The following CDC42EP4 variants were observed in gnomAD, a reference collection of about 807,000 sequenced individuals.
CDC42EP4 encodes the protein CDC42 effector protein 4, also known as CDC42 effector protein (Rho GTPase binding) 4.
In CDC42EP4, 6 loss-of-function variants were observed where a neutral mutation model predicts 5.6. The observed-to-expected ratio is 1.07, with a 90% CI of 0.59 to 2.12. CDC42EP4 has a LOEUF of 2.12. CDC42EP4 is among the 30% of genes most tolerant of loss of function. The pLI is 0.00. For synonymous variants in CDC42EP4, 230 were observed against 224.2 expected, an observed-to-expected ratio of 1.03 and a Z score of -0.23; for missense variants, 490 against 508.6, an observed-to-expected ratio of 0.96 and a Z score of 0.35.
chr17:73,310,032 G>A (rs2062265507), intron 1 of CDC42EP4: 1 of 152,338 alleles, frequency 6.6e-6, no homozygotes. Flanking sequence ...TGGCTTCTCA[G>A]CAGAGATAGA....
In CDC42EP4 at chr17:73,297,020, G is replaced by A. The variant is rs868368815; in HGVS notation, c.-112-10408C>T. 1.7e-3 allele frequency among the ~76,000 whole-genome samples: 185 copies of A among 109,486 alleles called. 5 individuals are homozygous for A. Among genetic ancestry groups the A allele is most frequent in the African/African-American group, 5.2e-3 (161 of 30,784 alleles). 71.8% of individuals were successfully genotyped at this position (109,486 alleles called of 152,430 possible). A position where few individuals can be genotyped will look rare whatever the true frequency, so the allele number is the denominator to read the frequency against. ...AAAAAAAAAATACACAAGGCCAAGC[G>A]CCGTGGCTCACACCTGTAATCCCAG... On this transcript the variant is annotated intron_variant, in intron 1 of 1. Transcript: ENST00000335793.
chr17:73,298,631 A>T (rs967529964), intron 1 of CDC42EP4, among the ~76,000 whole-genome samples: 3 of 152,222 alleles, frequency 2.0e-5, no homozygotes, highest in African/African-American at 7.2e-5. Context: ...TCCAGCCACC[A>T]CTGACCGCCA....
intron 1 of CDC42EP4, among the ~76,000 whole-genome samples, chr17:73,308,860 C>A (rs2062257930): frequency 6.6e-6 from 1 of 151,218 alleles, no homozygotes; most frequent in African/African-American, 2.4e-5. Flanking sequence ...CACAGTGAAA[C>A]CCTGTTTCTA....
At chr17:73,303,468 C>T (rs1020626936) in intron 1 of CDC42EP4, among the ~76,000 whole-genome samples, 12 of 152,062 alleles carry the variant, frequency 7.9e-5, no homozygotes, top group African/African-American at 2.9e-4. Flanking sequence ...TCAACCCCAG[C>T]CTGGCCAACA....
intron 1 of CDC42EP4, among the ~76,000 whole-genome samples, chr17:73,296,417 CAA>C (rs541518590): frequency 0.65 from 61,703 of 94,908 alleles, 17,210 homozygotes; most frequent in Middle Eastern, 0.75. Flanking sequence ...GACTCCATCT[CAA>C]AAAAAAAAAA....
chr17:73,286,107 T>C lies in CDC42EP4; in HGVS notation c.394A>G (p.Thr132Ala). Residue 132 changes from threonine (T) to alanine (A), a missense_variant, in exon 2 of 2, where the codon ACC becomes GCC. Transcript: ENST00000335793. The surrounding 1 kb of genome is among the most constrained non-coding windows in gnomAD (Gnocchi z 7.7). ...GACAGGCTCTTGGGCAGCTTACTGG[T>C]GCCCTTCTCCGCGGCCTCCTTCTCA... Reference protein sequence around the residue: ...LNEKEAAEKGTSKLPKSLSSS... With the variant: ...LNEKEAAEKGASKLPKSLSSS... The C allele has an allele frequency of 6.2e-7, 1 of 1,613,978 alleles. No individual in the cohort carries two copies. The highest frequency in any genetic ancestry group is 8.5e-7 in the Non-Finnish European group (1 of 1,180,022).
chr17:73,286,521 G>T lies in CDC42EP4; in HGVS notation c.-21C>A. ...GGCATCTTGCTGGATGGGCGGGGAGGTGGGCCCTCCCGAGGTAGCCGGCAG... is the reference window on the plus strand; with the variant it reads ...GGCATCTTGCTGGATGGGCGGGGAGTTGGGCCCTCCCGAGGTAGCCGGCAG... On this transcript the variant is annotated 5_prime_UTR_variant, in exon 2 of 2. Coordinates refer to ENST00000335793, the MANE Select transcript of CDC42EP4 (RefSeq NM_012121.5). This position sits in a 1 kb window ranked among gnomAD's most constrained non-coding sequence, Gnocchi z 7.7. The T allele has an allele frequency of 6.4e-7, 1 of 1,557,466 alleles. No homozygotes were observed.
intron 1 of CDC42EP4, among the ~76,000 whole-genome samples, chr17:73,291,687 G>A (rs773220246): frequency 4.6e-5 from 7 of 152,134 alleles, no homozygotes; most frequent in Non-Finnish European, 8.8e-5. Flanking sequence ...TGCCTTGGGC[G>A]GGACACCCCC....
intron 1 of CDC42EP4, chr17:73,307,129 A>G (rs1024115255): frequency 6.6e-6 from 1 of 152,134 alleles, no homozygotes; most frequent in Non-Finnish European, 1.5e-5. Context: ...GCAGTTTCTT[A>G]CAGGTGGGGA....
intron 1 of CDC42EP4, among the ~76,000 whole-genome samples, chr17:73,299,269 T>A (rs7502840): frequency 0.35 from 51,448 of 148,846 alleles, 9,300 homozygotes; most frequent in East Asian, 0.47. Flanking sequence ...TAAAAATATT[T>A]AAAAAAAAAA....
chr17:73,289,912 GAAGAA>G (rs2062154041), intron 1 of CDC42EP4, among the ~76,000 whole-genome samples: 1 of 152,120 alleles, frequency 6.6e-6, no homozygotes, highest in Non-Finnish European at 1.5e-5. Context: ...AGAAGCAGCA[GAAGAA>G]AAGAAAAAGA....
intron 1 of CDC42EP4, among the ~76,000 whole-genome samples, chr17:73,308,676 G>A (rs2062257064): frequency 6.6e-6 from 1 of 152,112 alleles, no homozygotes; most frequent in African/African-American, 2.4e-5. Flanking sequence ...TCACTCCAAA[G>A]GGGTGGAAGC....
At chr17:73,297,395 A>C (rs2062194110) in intron 1 of CDC42EP4, among the ~76,000 whole-genome samples, 1 of 151,858 alleles carries the variant, frequency 6.6e-6, no homozygotes, top group East Asian at 1.9e-4. Flanking sequence ...AATCTCTTGA[A>C]CCCGGGAGGC....
chr17:73,301,491 T>G (rs2062218941), intron 1 of CDC42EP4, among the ~76,000 whole-genome samples: 1 of 152,246 alleles, frequency 6.6e-6, no homozygotes, highest in Non-Finnish European at 1.5e-5. Context: ...ATGGCTAGGT[T>G]GTTTCCATTT....
intron 1 of CDC42EP4, among the ~76,000 whole-genome samples, chr17:73,306,374 C>G (rs1433444714): frequency 6.6e-6 from 1 of 151,576 alleles, no homozygotes; most frequent in South Asian, 2.1e-4. Context: ...TGGCGGCACA[C>G]GTCTATAGTC....
chr17:73,299,383 T>A (rs2062205450), intron 1 of CDC42EP4, among the ~76,000 whole-genome samples: 1 of 80,540 alleles, frequency 1.2e-5, no homozygotes, highest in Non-Finnish European at 2.4e-5. Context: ...TGAGCCGAGA[T>A]CATGCCACTG....
Position 73,286,412 on chromosome 17 carries a change from G to A in CDC42EP4, c.89C>T (p.Pro30Leu). ...ADLTAEMISA[P>L]LGDFRHTMHV... ...CATGGTGTGGCGGAAGTCGCCCAGC[G>A]GGGCGCTGATCATCTCGGCCGTGAG... Residue 30 changes from proline to leucine, a missense_variant, in exon 2 of 2, where the codon CCG (proline) becomes CTG (leucine). By Grantham distance (98) the Pro-to-Leu change is moderately conservative. Coordinates refer to ENST00000335793, the MANE Select transcript of CDC42EP4 (RefSeq NM_012121.5). The surrounding 1 kb of genome is among the most constrained non-coding windows in gnomAD (Gnocchi z 7.7). The A allele has an allele frequency of 6.2e-7, 1 of 1,613,826 alleles. No homozygotes were observed. The highest frequency in any genetic ancestry group is 8.5e-7 in the Non-Finnish European group (1 of 1,179,948).
At chr17:73,294,121 C>T (rs1462853539) in intron 1 of CDC42EP4, among the ~76,000 whole-genome samples, 6 of 152,094 alleles carry the variant, frequency 3.9e-5, no homozygotes, top group Admixed American at 2.6e-4. Flanking sequence ...GAGGCTGAGG[C>T]GGGTGGATCT....
chr17:73,308,999 C>A (rs2062258984), intron 1 of CDC42EP4, among the ~76,000 whole-genome samples: 1 of 129,438 alleles, frequency 7.7e-6, no homozygotes, highest in Non-Finnish European at 1.5e-5. Flanking sequence ...GATTGTGCCA[C>A]TGCACTCCAG....
Sources: gnomAD v4.1 joint callset for allele counts (sites outside exome capture counted in the v4.1 genomes callset) on GRCh38, gnomAD v4.1.1 for gene constraint, Gnocchi (gnomAD v3.1) non-coding constraint, MANE v1.5 for transcripts, NCBI Gene and HGNC (gene_info 2026-07-23, HGNC 2026-07-21) for gene names.